The following C1QB variants were observed in gnomAD, a reference collection of about 807,000 sequenced individuals.
C1QB encodes complement C1q B chain, also known as complement C1q subcomponent subunit B.
Under a neutral mutation model 4.6 loss-of-function variants are expected in C1QB, and 2 were observed. The observed-to-expected ratio is 0.43, with a 90% CI of 0.18 to 1.36. The LOEUF (loss-of-function observed/expected upper bound fraction) is 1.36, where lower values mean the gene tolerates loss of function less well. Among genes scored for constraint, C1QB ranks in the 40% most tolerant of loss-of-function variants. The probability of loss-of-function intolerance (pLI) is 0.28; values close to 1 mark genes in which losing one functional copy is unlikely to be tolerated. For synonymous variants in C1QB, 132 were observed against 137.1 expected (o/e 0.96, Z 0.26); for missense variants, 292 against 338.0 (o/e 0.86, Z 1.07).
rs773875225 is a variant in C1QB, at chr1:22,659,612, A to G, written c.150A>G (p.Gln50=). 2 of 1,613,742 alleles carry G rather than the reference A, an allele frequency of 1.2e-6. No individual in the cohort carries two copies. The highest frequency in any genetic ancestry group is 1.7e-5 in the Admixed American group (1 of 59,976). ...GIPGTPGPDG[Q]PGTPGIKGEK... Reference sequence around the variant, plus strand: ...CTGGGACACCTGGCCCCGATGGCCAACCTGGGACCCCAGGGATAAAAGGAG... The same window carrying G: ...CTGGGACACCTGGCCCCGATGGCCAGCCTGGGACCCCAGGGATAAAAGGAG... Residue 50 remains glutamine, a synonymous_variant, in exon 2 of 3, where the codon CAA becomes CAG. Coordinates refer to ENST00000509305, the MANE Select transcript of C1QB (RefSeq NM_001378156.1).
chr1:22,659,284 G>A (rs1211893576), intron 1 of C1QB, among the ~76,000 whole-genome samples, 156 bp from the exon 2 acceptor site: 1 of 124,286 alleles, frequency 8.0e-6, no homozygotes, highest in Non-Finnish European at 1.7e-5. Flanking sequence ...GCAGATGGAG[G>A]GATAGAGAGA....
In C1QB at chr1:22,656,889, G is replaced by T. The variant is rs567946211; in HGVS notation, c.-23-2551G>T. On this transcript the variant is annotated intron_variant, in intron 1 of 2. Transcript: ENST00000509305. ...TTTGCTAGAGTGGCCCACAGAAGTCGGGGAAACACGTTTACAAGTTTATTA... is the reference window on the plus strand; with the variant it reads ...TTTGCTAGAGTGGCCCACAGAAGTCTGGGAAACACGTTTACAAGTTTATTA... 4.8e-4 allele frequency among the ~76,000 whole-genome samples: 73 copies of T among 152,048 alleles called. 1 individual carries two copies. The highest frequency in any genetic ancestry group is 9.6e-4 in the Non-Finnish European group (65 of 68,018).
chr1:22,661,550 C>A lies in C1QB; in HGVS notation c.*164C>A. On this transcript the variant is annotated 3_prime_UTR_variant, in exon 3 of 3. Coordinates refer to ENST00000509305, the MANE Select transcript of C1QB (RefSeq NM_001378156.1). ...AAGGCCAAGGGACAGTGGTCTAATT[C>A]AACTCTGTGTCCCAGCACCTGGCAC... is the stretch of plus-strand genomic sequence containing the variant. 1 of 778,868 alleles carries A rather than the reference C, an allele frequency of 1.3e-6. No individual in the cohort carries two copies. Among genetic ancestry groups the A allele is most frequent in the Non-Finnish European group, 2.1e-6 (1 of 473,728 alleles). 48.2% of individuals were successfully genotyped at this position (778,868 alleles called of 1,614,324 possible).
intron 2 of C1QB, 101 bp downstream of exon 2, chr1:22,659,744 G>A: frequency 7.4e-7 from 1 of 1,355,950 alleles, no homozygotes; most frequent in East Asian, 2.5e-5. Context: ...AAAAGCACTG[G>A]CAAATCCAGC....
intron 2 of C1QB, 125 bp downstream of exon 2, chr1:22,659,768 C>G: frequency 8.9e-7 from 1 of 1,118,608 alleles, no homozygotes. Context: ...TTGCTGAACC[C>G]TTGCAGTAAC....
At chr1:22,653,796 C>T (rs1296672360) in intron 1 of C1QB, among the ~76,000 whole-genome samples, 2 of 152,184 alleles carry the variant, frequency 1.3e-5, no homozygotes, top group South Asian at 2.1e-4. Flanking sequence ...AGCATTTCCC[C>T]AACACCTTGC....
At chr1:22,656,328 C>A (rs1017500087) in intron 1 of C1QB, among the ~76,000 whole-genome samples, 2 of 152,150 alleles carry the variant, frequency 1.3e-5, no homozygotes, top group African/African-American at 4.8e-5. Flanking sequence ...TAGCAGCACT[C>A]TTCACAATAG....
chr1:22,656,044 T>C (rs1341893470), intron 1 of C1QB, among the ~76,000 whole-genome samples: 7 of 152,182 alleles, frequency 4.6e-5, no homozygotes, highest in Non-Finnish European at 1.0e-4. Context: ...GCTGAGAAAG[T>C]TCAGCTTGAC....
At chr1:22,654,789 C>T (rs1225654514) in intron 1 of C1QB, among the ~76,000 whole-genome samples, 1 of 152,218 alleles carries the variant, frequency 6.6e-6, no homozygotes, top group African/African-American at 2.4e-5. Context: ...TGAATGTGTG[C>T]TGCCTAACAA....
At chr1:22,656,969 G>C (rs1250319874) in intron 1 of C1QB, among the ~76,000 whole-genome samples, 1 of 152,212 alleles carries the variant, frequency 6.6e-6, no homozygotes, top group Non-Finnish European at 1.5e-5. Context: ...TATGAGGGAA[G>C]AGGCGTGCCA....
intron 1 of C1QB, chr1:22,653,961 G>A (rs894959702): frequency 1.3e-5 from 2 of 152,420 alleles, no homozygotes; most frequent in Admixed American, 1.3e-4. Context: ...CGGGGCAGGG[G>A]GGACCTTATT....
intron 1 of C1QB, among the ~76,000 whole-genome samples, chr1:22,656,678 T>A (rs1336780082): frequency 6.6e-6 from 1 of 152,050 alleles, no homozygotes; most frequent in African/African-American, 2.4e-5. Flanking sequence ...AGCAATCAAA[T>A]CTGCTGGGTG....
At chr1:22,659,787 G>C in intron 2 of C1QB, 144 bp downstream of exon 2, 1 of 995,330 alleles carries the variant, frequency 1.0e-6, no homozygotes, top group Non-Finnish European at 1.5e-6. Context: ...ACTTTGCAAG[G>C]AGGGAATTCT....
chr1:22,659,037 AGATGGATGGATG>A (rs3066574), intron 1 of C1QB, among the ~76,000 whole-genome samples: 4,442 of 112,210 alleles, frequency 0.04, 103 homozygotes, highest in Middle Eastern at 0.094. Flanking sequence ...ATAGAGAGAC[AGATGGATGGATG>A]GATGGATGGA....
chr1:22,653,293 C>G lies in C1QB; in HGVS notation c.-34C>G, dbSNP rs1384972136. On this transcript the variant is annotated 5_prime_UTR_variant, in exon 1 of 3. Coordinates refer to ENST00000509305, the MANE Select transcript of C1QB (RefSeq NM_001378156.1). ...TCAGCCCAGTGGCCTCACAGGACAC[C>G]AGCTTCCCAGGTGAGGACGGGGCTT... 6.6e-6 allele frequency: 1 copy of G among 152,386 alleles called. No homozygotes were observed. The highest frequency in any genetic ancestry group is 1.5e-5 in the Non-Finnish European group (1 of 68,174). 9.4% of individuals were successfully genotyped at this position (152,386 alleles called of 1,614,324 possible). A position where few individuals can be genotyped will look rare whatever the true frequency, so the allele number is the denominator to read the frequency against.
Position 22,659,392 on chromosome 1 carries a change from A to C in C1QB, c.-23-48A>C. On this transcript the variant is annotated intron_variant, in intron 1 of 2. Coordinates refer to ENST00000509305, the MANE Select transcript of C1QB (RefSeq NM_001378156.1). ...GATGGATGGATGGATGGATGGATGG[A>C]TGATAGGATCACCACGGTGGTAACC... The C allele has an allele frequency of 3.3e-5, 47 of 1,412,766 alleles. No individual in the cohort carries two copies. The South Asian group carries it at 5.5e-4, about 16-fold the overall frequency. The allele number at this position is 1,412,766 out of a possible 1,614,324, so 87.5% of individuals were successfully genotyped here.
chr1:22,661,149 C>A lies in C1QB; in HGVS notation c.519C>A (p.Ser173Arg). The change falls in exon 3 of 3, where the codon AGC becomes AGA. Residue 173 changes from serine to arginine, a missense_variant. Physicochemically the swap from Ser to Arg is moderately radical, Grantham distance 110. Transcript: ENST00000509305. Reference protein sequence around the residue: ...PGLYYFTYHASSRGNLCVNLM... With the variant: ...PGLYYFTYHARSRGNLCVNLM... ...TCTACTACTTCACCTACCACGCCAGCTCTCGAGGGAACCTGTGCGTGAACC... is the reference window on the plus strand; with the variant it reads ...TCTACTACTTCACCTACCACGCCAGATCTCGAGGGAACCTGTGCGTGAACC... The A allele has an allele frequency of 6.2e-7, 1 of 1,614,194 alleles. No individual in the cohort carries two copies. Among genetic ancestry groups the A allele is most frequent in the Non-Finnish European group, 8.5e-7 (1 of 1,180,026 alleles).
At chr1:22,657,758 T>C (rs1373941569) in intron 1 of C1QB, among the ~76,000 whole-genome samples, 2 of 152,192 alleles carry the variant, frequency 1.3e-5, no homozygotes, top group African/African-American at 4.8e-5. Flanking sequence ...GTTGCCTCAG[T>C]TAAAAATATA....
intron 2 of C1QB, 93 bp from the exon 3 acceptor site, chr1:22,660,719 C>A: frequency 7.8e-7 from 1 of 1,283,540 alleles, no homozygotes; most frequent in Non-Finnish European, 1.1e-6. Context: ...GAGACTGAGG[C>A]TCAGAGAGAG....
Sources: allele counts gnomAD v4.1 joint callset (sites outside exome capture counted in the v4.1 genomes callset), GRCh38; gene constraint gnomAD v4.1.1; transcripts MANE v1.5; gene names NCBI Gene and HGNC (gene_info 2026-07-23, HGNC 2026-07-21).